GRM8: variants seen among roughly 807,000 people sequenced by gnomAD.
GRM8 encodes metabotropic glutamate receptor 8.
GRM8 carries 47 observed loss-of-function variants against 87.2 expected under a neutral mutation model. The ratio of observed to expected loss-of-function variants is 0.54; its 90% CI spans 0.43 to 0.69. The LOEUF is 0.69. Among genes scored for constraint, GRM8 ranks in the 30% least tolerant of loss-of-function variants. The pLI is 0.00. For synonymous variants in GRM8, 396 were observed against 404.5 expected (o/e 0.98, Z 0.25); for missense variants, 1,019 against 1,139.2 (o/e 0.89, Z 1.52).
At chr7:126,692,029 G>A (rs2151374415) in intron 7 of GRM8, among the ~76,000 whole-genome samples, 1 of 152,252 alleles carries the variant, frequency 6.6e-6, no homozygotes, top group African/African-American at 2.4e-5. Flanking sequence ...GTAGGATGGA[G>A]GGAAGATCAG....
chr7:127,098,189 G>A (rs1351417203), intron 3 of GRM8, among the ~76,000 whole-genome samples: 1 of 152,038 alleles, frequency 6.6e-6, no homozygotes, highest in South Asian at 2.1e-4. Context: ...CTCAAAATGT[G>A]GTGTTATCAA....
intron 9 of GRM8, among the ~76,000 whole-genome samples, chr7:126,473,739 C>A (rs962174109): frequency 6.6e-6 from 1 of 152,116 alleles, no homozygotes; most frequent in African/African-American, 2.4e-5. Flanking sequence ...CCCACAGTCC[C>A]CATGTGTCTT....
At chr7:126,736,195 C>T (rs574933837) in intron 7 of GRM8, among the ~76,000 whole-genome samples, 1 of 152,120 alleles carries the variant, frequency 6.6e-6, no homozygotes, top group South Asian at 2.1e-4. Context: ...ATGTGCCATG[C>T]TAAACCAGAA....
chr7:127,092,684 G>T (rs959286388), intron 3 of GRM8, among the ~76,000 whole-genome samples: 5 of 152,318 alleles, frequency 3.3e-5, no homozygotes, highest in Admixed American at 2.6e-4. Context: ...TACAGCCTGG[G>T]TGACAGAGTG....
At chr7:126,956,147 T>C (rs1000889109) in intron 3 of GRM8, among the ~76,000 whole-genome samples, 1 of 152,174 alleles carries the variant, frequency 6.6e-6, no homozygotes, top group Non-Finnish European at 1.5e-5. Flanking sequence ...AAAATGTATA[T>C]GTAAAATATT....
At chr7:126,699,701 T>G (rs902879194) in intron 7 of GRM8, among the ~76,000 whole-genome samples, 3 of 152,190 alleles carry the variant, frequency 2.0e-5, no homozygotes, top group African/African-American at 7.2e-5. Context: ...ATTTTCAGTG[T>G]CTGATGAAGT....
intron 8 of GRM8, among the ~76,000 whole-genome samples, chr7:126,597,084 C>A (rs1038683186): frequency 5.9e-5 from 9 of 151,964 alleles, no homozygotes; most frequent in African/African-American, 2.2e-4. Context: ...ACCTCAAACC[C>A]CTGAGATTAT....
intron 9 of GRM8, among the ~76,000 whole-genome samples, chr7:126,486,309 T>G (rs1456614767): frequency 1.3e-5 from 2 of 152,102 alleles, no homozygotes; most frequent in Non-Finnish European, 2.9e-5. Context: ...AAATGTCGTT[T>G]CCACTCCAAA....
chr7:127,067,486 G>A (rs1345971208), intron 3 of GRM8, among the ~76,000 whole-genome samples: 1 of 152,140 alleles, frequency 6.6e-6, no homozygotes, highest in Non-Finnish European at 1.5e-5. Context: ...AGCTAATTTT[G>A]TGAAAGTTTG....
At chr7:127,009,171 G>A (rs1483268580) in intron 3 of GRM8, among the ~76,000 whole-genome samples, 2 of 151,892 alleles carry the variant, frequency 1.3e-5, no homozygotes, top group Non-Finnish European at 2.9e-5. Flanking sequence ...TACTTGTTAA[G>A]AAATCAATTC....
intron 3 of GRM8, among the ~76,000 whole-genome samples, chr7:126,913,189 G>T (rs187501965): frequency 6.6e-6 from 1 of 152,250 alleles, no homozygotes; most frequent in Admixed American, 6.5e-5. Context: ...ACAAAGCTGT[G>T]TATAGAATAC....
intron 2 of GRM8, among the ~76,000 whole-genome samples, chr7:127,115,344 G>T (rs1307240723): frequency 6.6e-6 from 1 of 152,098 alleles, no homozygotes; most frequent in Non-Finnish European, 1.5e-5. Context: ...CAGATTTTCA[G>T]TTTTCTACAT....
intron 2 of GRM8, among the ~76,000 whole-genome samples, chr7:127,129,405 C>G (rs1011961226): frequency 2.6e-5 from 4 of 152,132 alleles, no homozygotes; most frequent in Non-Finnish European, 4.4e-5. Context: ...GGACATAAAA[C>G]CAAACTTCTT....
chr7:126,709,827 A>G (rs1810917864), intron 7 of GRM8, among the ~76,000 whole-genome samples: 1 of 152,200 alleles, frequency 6.6e-6, no homozygotes, highest in South Asian at 2.1e-4. Context: ...ACAATGGAAT[A>G]TTATTCAAAC....
At chr7:127,178,399 T>C (rs1457624159) in intron 2 of GRM8, among the ~76,000 whole-genome samples, 3 of 152,090 alleles carry the variant, frequency 2.0e-5, no homozygotes, top group Admixed American at 6.6e-5. Context: ...TGAGGAAGAA[T>C]AGAATTCTAA....
At chr7:127,156,607 G>A (rs1227890841) in intron 2 of GRM8, among the ~76,000 whole-genome samples, 1 of 152,118 alleles carries the variant, frequency 6.6e-6, no homozygotes, top group Non-Finnish European at 1.5e-5. Context: ...CAAAGACTAG[G>A]ATCTGGCTCT....
intron 10 of GRM8, among the ~76,000 whole-genome samples, chr7:126,445,068 G>A (rs1249000345): frequency 6.6e-6 from 1 of 152,054 alleles, no homozygotes; most frequent in Non-Finnish European, 1.5e-5. Context: ...GGAAGGCTGA[G>A]GTGGGAGGAT....
At chr7:126,625,760 T>C (rs1800613025) in intron 7 of GRM8, among the ~76,000 whole-genome samples, 1 of 152,130 alleles carries the variant, frequency 6.6e-6, no homozygotes, top group Non-Finnish European at 1.5e-5. Context: ...ATAAAATCTC[T>C]TGTAAGAAAA....
chr7:126,698,739 T>C (rs145821083), intron 7 of GRM8, among the ~76,000 whole-genome samples: 40 of 152,290 alleles, frequency 2.6e-4, no homozygotes, highest in African/African-American at 8.4e-4. Flanking sequence ...TCAGTGTGGG[T>C]TGGTTCTAAG....
Sources: gnomAD v4.1 joint callset for allele counts (sites outside exome capture counted in the v4.1 genomes callset) on GRCh38, gnomAD v4.1.1 for gene constraint, MANE v1.5 for transcripts, NCBI Gene and HGNC (gene_info 2026-07-23, HGNC 2026-07-21) for gene names.